The following UBR4 variants were observed in gnomAD, a reference collection of about 807,000 sequenced individuals.
UBR4 encodes the protein E3 ubiquitin-protein ligase UBR4.
Under a neutral mutation model 575.6 loss-of-function variants are expected in UBR4, and 124 were observed. The observed-to-expected ratio is 0.22, with a 90% CI of 0.19 to 0.25. The LOEUF is 0.25. Among genes scored for constraint, UBR4 ranks in the 10% least tolerant of loss-of-function variants. The pLI, the probability that UBR4 is intolerant of heterozygous loss-of-function variation, is 1.00. For missense variants in UBR4, 4,818 were observed against 6,478.8 expected, an observed-to-expected ratio of 0.74 and a Z score of 8.80; for synonymous variants, 2,455 against 2,473.7, an observed-to-expected ratio of 0.99 and a Z score of 0.22.
chr1:19,163,908 C>T (rs758017402), intron 33 of UBR4, 81 bp from the exon 34 acceptor site: 5 of 1,430,310 alleles, frequency 3.5e-6, no homozygotes, highest in Non-Finnish European at 4.9e-6. Flanking sequence ...TCTTCATTAA[C>T]TTTGAATCAA....
At position 19,097,290 on chromosome 1, in the gene UBR4, GA is replaced by G; in HGVS notation, c.13303-11del. The G allele has an allele frequency of 6.2e-7, 1 of 1,610,610 alleles. No homozygotes were observed. Among genetic ancestry groups the G allele is most frequent in the Non-Finnish European group, 8.5e-7 (1 of 1,178,576 alleles). ...TCCTCATGGGCTCTCCCTGAGCAGA[GA>G]AAGTTGGAGAAAGGTACTTAAAAAC... On this transcript the variant is annotated splice_polypyrimidine_tract_variant and intron_variant, in intron 90 of 105. Coordinates refer to ENST00000375254, the MANE Select transcript of UBR4 (RefSeq NM_020765.3).
rs760895942 is a variant in UBR4, at chr1:19,185,273, C to A, written c.1764G>T (p.Glu588Asp). The A allele has an allele frequency of 3.8e-6, 6 of 1,575,256 alleles. No individual in the cohort carries two copies. In the South Asian group the frequency reaches 5.9e-5, roughly 15 times the overall value. ...CCTCAAACCATTGCCCCAAAATAGG[C>A]TCACTGTCATCGTCTGAATAGAGAA... ...EEDSSQDDDS[E>D]PILGQWFEET... The change falls in exon 15 of 106, where the codon GAG becomes GAT. Residue 588 changes from glutamate to aspartate, a missense_variant. Physicochemically the swap from Glu to Asp is conservative, Grantham distance 45. Transcript: ENST00000375254.
chr1:19,175,350 T>A (rs75152883), intron 20 of UBR4, among the ~76,000 whole-genome samples: 1 of 152,266 alleles, frequency 6.6e-6, no homozygotes, highest in African/African-American at 2.4e-5. Flanking sequence ...AAGAGTTAAG[T>A]AGGGTGCCCT....
intron 17 of UBR4, among the ~76,000 whole-genome samples, chr1:19,179,803 A>AAC (rs938107947): frequency 2.0e-4 from 30 of 151,308 alleles, no homozygotes; most frequent in African/African-American, 4.1e-4. Context: ...TATCTTCTCA[A>AAC]ACACACACAC....
intron 12 of UBR4, 58 bp from the exon 13 acceptor site, chr1:19,187,359 T>C: frequency 6.2e-7 from 1 of 1,608,378 alleles, no homozygotes; most frequent in East Asian, 2.2e-5. Flanking sequence ...AAAAAACAAC[T>C]TGAGTTGATG....
In UBR4 at chr1:19,128,374, A is replaced by G. The variant is rs2082046709; in HGVS notation, c.9004-56T>C. The G allele has an allele frequency of 3.0e-5, 43 of 1,447,970 alleles. No homozygotes were observed. In the East Asian group the frequency reaches 8.9e-4, roughly 30 times the overall value. The allele number at this position is 1,447,970 out of a possible 1,614,324, so 89.7% of individuals were successfully genotyped here. A position where few individuals can be genotyped will look rare whatever the true frequency, so the allele number is the denominator to read the frequency against. ...CAATTTCCTAAAGAAGAACGACTTG[A>G]AATACGGGGTGTTTCAGAAGAAATC... is the stretch of plus-strand genomic sequence containing the variant. On this transcript the variant is annotated intron_variant, in intron 61 of 105. Coordinates refer to ENST00000375254, the MANE Select transcript of UBR4 (RefSeq NM_020765.3).
At chr1:19,161,385 A>T (rs2087343795) in intron 37 of UBR4, among the ~76,000 whole-genome samples, 1 of 152,242 alleles carries the variant, frequency 6.6e-6, no homozygotes, top group African/African-American at 2.4e-5. Flanking sequence ...AGGAAAAACG[A>T]ACTACAAGAT....
chr1:19,110,304 CCCT>C lies in UBR4; in HGVS notation c.11977+73_11977+75del. On this transcript the variant is annotated intron_variant, in intron 80 of 105. Coordinates refer to ENST00000375254, the MANE Select transcript of UBR4 (RefSeq NM_020765.3). This position sits in a 1 kb window ranked among gnomAD's most constrained non-coding sequence, Gnocchi z 4.5. ...GCAGAGGCCGCCCAAGCATCAGTTTCCCTCCTCCCCTCCCAGTCCGGCCAGGAC... is the reference window on the plus strand; with the variant it reads ...GCAGAGGCCGCCCAAGCATCAGTTTCCCTCCCCTCCCAGTCCGGCCAGGAC... 6.2e-7 allele frequency: 1 copy of C among 1,612,898 alleles called. No homozygotes were observed. Among genetic ancestry groups the C allele is most frequent in the Non-Finnish European group, 8.5e-7 (1 of 1,179,060 alleles).
Position 19,093,080 on chromosome 1 carries a change from C to A in UBR4, c.14112-162G>T, listed in dbSNP as rs2077685036. ...AGAACCACCCAGCTCAGCTGAAAAG[C>A]CAGAAAGAAGTGAGTACTCTAAGTA... On this transcript the variant is annotated intron_variant, in intron 96 of 105. Transcript: ENST00000375254. This position sits in a 1 kb window ranked among gnomAD's most constrained non-coding sequence, Gnocchi z 4.8. Among the ~76,000 whole-genome samples the A allele has an allele frequency of 6.6e-6, 1 of 152,206 alleles. No homozygotes were observed. Among genetic ancestry groups the A allele is most frequent in the Admixed American group, 6.5e-5 (1 of 15,284 alleles).
rs2090293076 is a variant in UBR4 at position 19,176,633 on chromosome 1, A to G, written c.2732T>C (p.Phe911Ser). 7 of 1,613,920 alleles carry G rather than the reference A, an allele frequency of 4.3e-6. No individual in the cohort carries two copies. Among genetic ancestry groups the G allele is most frequent in the Non-Finnish European group, 5.9e-6 (7 of 1,180,008 alleles). ...RRATTPLYHGFKEVEENWSKH... is the reference protein window; with the variant it reads ...RRATTPLYHGSKEVEENWSKH... ...AGACCAGTTTTCTTCTACTTCTTTG[A>G]ATCCATGATAGAGAGGAGTGGTTGC... The change falls in exon 20 of 106, where the codon TTC (phenylalanine) becomes TCC (serine). Residue 911 changes from phenylalanine (F) to serine (S), a missense_variant. Phe to Ser is a radical substitution (Grantham distance 155). Around this residue, in one of 29 missense-constraint regions of UBR4, gnomAD observed 1,172 missense variants for 1,259.7 expected, o/e 0.93. Coordinates refer to ENST00000375254, the MANE Select transcript of UBR4 (RefSeq NM_020765.3).
chr1:19,185,494 T>C (rs945546812), intron 14 of UBR4, among the ~76,000 whole-genome samples: 1 of 152,076 alleles, frequency 6.6e-6, no homozygotes, highest in Non-Finnish European at 1.5e-5. Flanking sequence ...GATTCAAATG[T>C]TTGGATAGAT....
At chr1:19,184,271 G>T in intron 15 of UBR4, 96 bp from the exon 16 acceptor site, 2 of 1,312,456 alleles carry the variant, frequency 1.5e-6, no homozygotes, top group Non-Finnish European at 1.0e-6. Context: ...TATGCTCATA[G>T]GTATCCTGCA....
At chr1:19,155,110 A>G in intron 43 of UBR4, 35 bp from the exon 44 acceptor site, 3 of 1,610,104 alleles carry the variant, frequency 1.9e-6, no homozygotes, top group African/African-American at 2.7e-5. Context: ...GCAGTAATTC[A>G]TGTTGCCTTG....
rs1270776400 is a variant in UBR4, at chr1:19,093,554, G to C, written c.13938-68C>G. ...AAAACCCAGTCATGTCACCCTCTTG[G>C]TTAACAACTGTCAACAGCCTATAGA... is the stretch of plus-strand genomic sequence containing the variant. On this transcript the variant is annotated intron_variant, in intron 95 of 105. Coordinates refer to ENST00000375254, the MANE Select transcript of UBR4 (RefSeq NM_020765.3). This position sits in a 1 kb window ranked among gnomAD's most constrained non-coding sequence, Gnocchi z 4.8. The C allele has an allele frequency of 7.2e-6, 11 of 1,528,378 alleles. No homozygotes were observed. Among genetic ancestry groups the C allele is most frequent in the Non-Finnish European group, 9.9e-6 (11 of 1,116,714 alleles). The allele number at this position is 1,528,378 out of a possible 1,614,324, so 94.7% of individuals were successfully genotyped here.
chr1:19,137,861 T>C, intron 60 of UBR4, 146 bp downstream of exon 60: 3 of 889,356 alleles, frequency 3.4e-6, no homozygotes, highest in Non-Finnish European at 1.6e-6. Context: ...CCTAAGACTT[T>C]AAACTGTTTC....
At chr1:19,189,830 C>T (rs1416198293) in intron 11 of UBR4, among the ~76,000 whole-genome samples, 1 of 152,164 alleles carries the variant, frequency 6.6e-6, no homozygotes. Context: ...TCACAAACTA[C>T]CGTTTGCTCT....
At chr1:19,209,355 A>C (rs2093187570) in intron 1 of UBR4, among the ~76,000 whole-genome samples, 1 of 152,240 alleles carries the variant, frequency 6.6e-6, no homozygotes, top group African/African-American at 2.4e-5. Flanking sequence ...TTGTACCTAC[A>C]TAACTGTCAC....
chr1:19,168,383 A>C (rs1459389121), intron 27 of UBR4, among the ~76,000 whole-genome samples, 199 bp from the exon 28 acceptor site: 4 of 152,246 alleles, frequency 2.6e-5, no homozygotes, highest in South Asian at 2.1e-4. Flanking sequence ...ATTAGTACAA[A>C]GTTAACAGTT....
rs749867928 is a variant in UBR4, at chr1:19,081,659, G to A, written c.15009-86C>T. On this transcript the variant is annotated intron_variant, in intron 102 of 105. Transcript: ENST00000375254. ...GCAGGAAGAATTTGCTCAATTTGTCGTTGTCTTGTGACATTTGCTGAACGC... is the reference window on the plus strand; with the variant it reads ...GCAGGAAGAATTTGCTCAATTTGTCATTGTCTTGTGACATTTGCTGAACGC... 112 of 1,439,462 alleles carry A rather than the reference G, an allele frequency of 7.8e-5. 3 individuals carry two copies. Among genetic ancestry groups the A allele is most frequent in the South Asian group, 5.4e-4 (47 of 87,652 alleles). 89.2% of individuals were successfully genotyped at this position (1,439,462 alleles called of 1,614,324 possible).
Sources: gnomAD v4.1 joint callset for allele counts (sites outside exome capture counted in the v4.1 genomes callset) on GRCh38, gnomAD v4.1.1 for gene constraint, gnomAD v4.1.1 regional missense constraint, Gnocchi (gnomAD v3.1) non-coding constraint, MANE v1.5 for transcripts, NCBI Gene and HGNC (gene_info 2026-07-23, HGNC 2026-07-21) for gene names.